TMEM232: variants seen among roughly 807,000 people sequenced by gnomAD.
TMEM232 encodes the protein transmembrane protein 232.
Under a neutral mutation model 78.8 loss-of-function variants are expected in TMEM232, and 80 were observed. The ratio of observed to expected loss-of-function variants is 1.01; its 90% CI spans 0.85 to 1.22. The LOEUF (loss-of-function observed/expected upper bound fraction) is 1.22. Ranked by LOEUF, TMEM232 falls within the 50% of genes most tolerant of loss-of-function variation. The pLI is 0.00. For missense variants in TMEM232, 881 were observed against 742.2 expected (o/e 1.19, Z -2.17); for synonymous variants, 297 against 254.3 (o/e 1.17, Z -1.60).
chr5:110,522,881 G>A (rs1769757538), intron 12 of TMEM232, among the ~76,000 whole-genome samples: 1 of 151,934 alleles, frequency 6.6e-6, no homozygotes, highest in Non-Finnish European at 1.5e-5. Context: ...ATTCTCCTGT[G>A]GTGTCTTTGT....
chr5:110,524,388 AAAG>A (rs1561623514), intron 12 of TMEM232, among the ~76,000 whole-genome samples: 103 of 69,830 alleles, frequency 1.5e-3, no homozygotes, highest in African/African-American at 9.1e-3. Context: ...AGAAAGAAAG[AAAG>A]AAAGAAAGAA....
chr5:110,475,414 GAGGGAGTAACA>G (rs1398946747), intron 12 of TMEM232, among the ~76,000 whole-genome samples: 1 of 147,808 alleles, frequency 6.8e-6, no homozygotes, highest in East Asian at 2.0e-4. Flanking sequence ...TTTTAGTCAA[GAGGGAGTAACA>G]GATTTCTATT....
chr5:110,522,336 A>G (rs1019795471), intron 12 of TMEM232, among the ~76,000 whole-genome samples: 2 of 152,150 alleles, frequency 1.3e-5, no homozygotes, highest in Admixed American at 6.5e-5. Flanking sequence ...CTCTAGGGTT[A>G]CATATATATA....
At chr5:110,461,762 G>C (rs1167701829) in intron 12 of TMEM232, among the ~76,000 whole-genome samples, 1 of 152,136 alleles carries the variant, frequency 6.6e-6, no homozygotes, top group Non-Finnish European at 1.5e-5. Context: ...TAGGGCCCTT[G>C]AGAATTATGC....
At chr5:110,529,573 A>G (rs1489315050) in intron 11 of TMEM232, among the ~76,000 whole-genome samples, 4 of 152,132 alleles carry the variant, frequency 2.6e-5, no homozygotes, top group Non-Finnish European at 5.9e-5. Flanking sequence ...TAGAGCAAAA[A>G]TTTTAAGTGA....
chr5:110,566,940 G>A (rs1776412014), intron 11 of TMEM232, among the ~76,000 whole-genome samples: 1 of 152,040 alleles, frequency 6.6e-6, no homozygotes, highest in South Asian at 2.1e-4. Flanking sequence ...TGGCTAGAGA[G>A]GCCACAAAAT....
rs938271348 is a variant in TMEM232, at chr5:110,625,629, G to T, written c.602-196C>A. On this transcript the variant is annotated intron_variant, in intron 6 of 13. Coordinates refer to ENST00000455884, the MANE Select transcript of TMEM232 (RefSeq NM_001039763.4). ...ATACTAGACGGTAAATAATTTATAC[G>T]TAAGAGTTTATATAATTCAGGACAG... is the stretch of plus-strand genomic sequence containing the variant. The T allele has an allele frequency of 1.1e-5, 4 of 356,312 alleles. No homozygotes were observed. The East Asian group carries it at 1.5e-4, about 13-fold the overall frequency. The allele number at this position is 356,312 out of a possible 1,614,324, so 22.1% of individuals were successfully genotyped here.
intron 12 of TMEM232, among the ~76,000 whole-genome samples, chr5:110,464,701 G>C (rs1761890721): frequency 2.0e-5 from 3 of 152,224 alleles, no homozygotes; most frequent in Non-Finnish European, 4.4e-5. Context: ...ACTAAGTGGA[G>C]AGCATTACAT....
intron 2 of TMEM232, among the ~76,000 whole-genome samples, chr5:110,662,962 T>A (rs967849907): frequency 2.6e-5 from 4 of 152,144 alleles, no homozygotes; most frequent in African/African-American, 9.6e-5. Context: ...CATAAAAGAT[T>A]GATATATCTG....
upstream of TMEM232, among the ~76,000 whole-genome samples, chr5:110,728,849 C>G (rs1798402123): frequency 2.4e-5 from 1 of 41,244 alleles, no homozygotes; most frequent in South Asian, 1.1e-3. Flanking sequence ...CAGTTTTTTT[C>G]TGCTTTTTTT....
intron 11 of TMEM232, among the ~76,000 whole-genome samples, chr5:110,552,723 C>A (rs1230229800): frequency 1.3e-5 from 2 of 152,086 alleles, no homozygotes; most frequent in Non-Finnish European, 2.9e-5. Flanking sequence ...TATTTTAAAT[C>A]TTCATACACT....
chr5:110,665,831 G>A (rs573031718), intron 2 of TMEM232, among the ~76,000 whole-genome samples: 10 of 143,026 alleles, frequency 7.0e-5, no homozygotes, highest in East Asian at 4.3e-4. Flanking sequence ...AAGGAGTGCC[G>A]ATCACTTGAG....
intron 10 of TMEM232, among the ~76,000 whole-genome samples, chr5:110,602,521 C>A (rs187305724): frequency 3.8e-4 from 57 of 151,928 alleles, no homozygotes; most frequent in African/African-American, 1.1e-3. Flanking sequence ...ATTTATGTGG[C>A]CAAAACAAGC....
intron 6 of TMEM232, among the ~76,000 whole-genome samples, chr5:110,627,200 T>C (rs1405665210): frequency 6.6e-6 from 1 of 152,080 alleles, no homozygotes; most frequent in East Asian, 1.9e-4. Flanking sequence ...AATTTCTCAC[T>C]CTTCTTTACA....
chr5:110,418,562 T>TATAA (rs1452015412), downstream of TMEM232, among the ~76,000 whole-genome samples: 1 of 152,136 alleles, frequency 6.6e-6, no homozygotes, highest in Non-Finnish European at 1.5e-5. Context: ...TATATCTATA[T>TATAA]ATAAATATTT....
At chr5:110,480,588 G>A (rs1366842936) in intron 12 of TMEM232, among the ~76,000 whole-genome samples, 3 of 151,992 alleles carry the variant, frequency 2.0e-5, no homozygotes, top group Admixed American at 2.0e-4. Context: ...TTCTTGCAAT[G>A]GAAATGGTTT....
rs368343195 is a variant in TMEM232, at chr5:110,715,738, G to A, written c.-13+10889C>T. On this transcript the variant is annotated intron_variant, in intron 1 of 13. Transcript: ENST00000455884. ...TTCAGGCCATGATGGAAAGCAGGGG[G>A]TGGTCAGACATGCCTCATTATACCT... Among the ~76,000 whole-genome samples, 13 of 135,500 alleles carry A rather than the reference G, an allele frequency of 9.6e-5. 2 individuals are homozygous for A. The highest frequency in any genetic ancestry group is 6.7e-4 in the East Asian group (3 of 4,498). The allele number at this position is 135,500 out of a possible 152,430, so 88.9% of individuals were successfully genotyped here.
intron 12 of TMEM232, among the ~76,000 whole-genome samples, chr5:110,461,022 G>A (rs1761465894): frequency 6.6e-6 from 1 of 151,824 alleles, no homozygotes. Flanking sequence ...TTTAAATTAG[G>A]CCTATTAATA....
chr5:110,416,717 ATTAC>A (rs1458781846), downstream of TMEM232, among the ~76,000 whole-genome samples: 1 of 152,192 alleles, frequency 6.6e-6, no homozygotes, highest in African/African-American at 2.4e-5. Context: ...AAAAGAATCA[ATTAC>A]TTAAATTATA....
Sources: allele counts gnomAD v4.1 joint callset (sites outside exome capture counted in the v4.1 genomes callset), GRCh38; gene constraint gnomAD v4.1.1; transcripts MANE v1.5; gene names NCBI Gene and HGNC (gene_info 2026-07-23, HGNC 2026-07-21).